NECAB1: variants seen among roughly 807,000 people sequenced by gnomAD.
NECAB1 encodes N-terminal EF-hand calcium binding protein 1.
In NECAB1, 29 loss-of-function variants were observed where a neutral mutation model predicts 57.5. The ratio of observed to expected loss-of-function variants is 0.50; its 90% CI spans 0.38 to 0.69. NECAB1 has a LOEUF of 0.69. Among genes scored for constraint, NECAB1 ranks in the 30% least tolerant of loss-of-function variants. The probability of loss-of-function intolerance (pLI) is 0.00; values close to 1 mark genes in which losing one functional copy is unlikely to be tolerated. For synonymous variants in NECAB1, 142 were observed against 147.7 expected, an observed-to-expected ratio of 0.96 and a Z score of 0.28; for missense variants, 372 against 413.8, an observed-to-expected ratio of 0.90 and a Z score of 0.88.
intron 2 of NECAB1, among the ~76,000 whole-genome samples, chr8:90,823,255 T>C (rs1812174153): frequency 6.6e-6 from 1 of 151,852 alleles, no homozygotes; most frequent in Non-Finnish European, 1.5e-5. Context: ...TCTAAGGCTG[T>C]GTCTGCCCAG....
At chr8:90,893,506 C>T (rs561944697) in intron 5 of NECAB1, among the ~76,000 whole-genome samples, 1 of 152,226 alleles carries the variant, frequency 6.6e-6, no homozygotes, top group East Asian at 1.9e-4. Flanking sequence ...GACCACAATC[C>T]AATTCTGGAC....
intron 9 of NECAB1, among the ~76,000 whole-genome samples, chr8:90,935,119 A>G (rs747885051): frequency 6.6e-6 from 1 of 152,194 alleles, no homozygotes; most frequent in Non-Finnish European, 1.5e-5. Context: ...GATGTATTAT[A>G]TACTTTATAG....
intron 3 of NECAB1, among the ~76,000 whole-genome samples, chr8:90,852,779 A>C (rs926641059): frequency 1.3e-5 from 2 of 152,072 alleles, no homozygotes; most frequent in African/African-American, 2.4e-5. Context: ...TCTCCTTTTC[A>C]ACTCCCCTTC....
intron 10 of NECAB1, among the ~76,000 whole-genome samples, chr8:90,941,954 G>A (rs775836335): frequency 1.1e-4 from 17 of 152,136 alleles, no homozygotes; most frequent in Non-Finnish European, 1.8e-4. Flanking sequence ...GTTGCTTTGG[G>A]AAGGTTTTTA....
intron 7 of NECAB1, 143 bp from the exon 8 acceptor site, chr8:90,928,080 A>C: frequency 4.8e-6 from 3 of 624,706 alleles, no homozygotes; most frequent in Non-Finnish European, 5.5e-6. Flanking sequence ...CTTAGAAAGC[A>C]CTCGTGAATA....
At chr8:90,951,550 C>T (rs1810924856) in intron 12 of NECAB1, among the ~76,000 whole-genome samples, 1 of 151,954 alleles carries the variant, frequency 6.6e-6, no homozygotes, top group African/African-American at 2.4e-5. Flanking sequence ...TGTTCATCTA[C>T]CCATCCAATT....
intron 5 of NECAB1, among the ~76,000 whole-genome samples, chr8:90,894,294 C>T (rs973901184): frequency 5.3e-5 from 8 of 152,112 alleles, no homozygotes; most frequent in South Asian, 2.1e-4. Flanking sequence ...ACTATTTTCA[C>T]TTCCTTGTTA....
chr8:90,949,891 T>G lies in NECAB1; in HGVS notation c.938+7T>G. On this transcript the variant is annotated splice_region_variant and intron_variant, in intron 11 of 12. Coordinates refer to ENST00000417640, the MANE Select transcript of NECAB1 (RefSeq NM_022351.5). ...ATAGTAGTGTATGGAATAGGTAAGTTGTGAGCAAGCCTGATTTTATGTGAA... is the reference window on the plus strand; with the variant it reads ...ATAGTAGTGTATGGAATAGGTAAGTGGTGAGCAAGCCTGATTTTATGTGAA... 6.4e-7 allele frequency: 1 copy of G among 1,570,498 alleles called. No individual in the cohort carries two copies. The highest frequency in any genetic ancestry group is 8.7e-7 in the Non-Finnish European group (1 of 1,148,848).
chr8:90,948,479 A>G (rs1045906406), intron 10 of NECAB1, among the ~76,000 whole-genome samples: 4 of 152,238 alleles, frequency 2.6e-5, no homozygotes, highest in African/African-American at 7.2e-5. Flanking sequence ...GGTCACACTT[A>G]GGTAAATCCT....
chr8:90,845,699 T>C (rs1165483685), intron 3 of NECAB1, among the ~76,000 whole-genome samples: 2 of 152,124 alleles, frequency 1.3e-5, no homozygotes, highest in East Asian at 3.9e-4. Flanking sequence ...CAGAAAAAAA[T>C]CAAAGTGTAA....
chr8:90,807,961 T>C (rs1811882677), intron 2 of NECAB1, among the ~76,000 whole-genome samples: 1 of 152,216 alleles, frequency 6.6e-6, no homozygotes, highest in African/African-American at 2.4e-5. Flanking sequence ...AAGTTCTGAA[T>C]GTAATGATTT....
rs181989148 is a variant in NECAB1, at chr8:90,835,637, A to G, written c.233+10812A>G. ...GCTTTCTCCAAATTTCTGTAATTAT[A>G]GTTTGCACCTTCAAGAGGTACCATT... is the stretch of plus-strand genomic sequence containing the variant. On this transcript the variant is annotated intron_variant, in intron 3 of 12. Transcript: ENST00000417640. 2.0e-3 allele frequency among the ~76,000 whole-genome samples: 303 copies of G among 152,226 alleles called. 1 individual carries two copies. Among genetic ancestry groups the G allele is most frequent in the African/African-American group, 7.0e-3 (292 of 41,534 alleles).
chr8:90,938,492 C>T (rs1273978164), intron 9 of NECAB1, among the ~76,000 whole-genome samples: 2 of 152,154 alleles, frequency 1.3e-5, no homozygotes, highest in East Asian at 1.9e-4. Flanking sequence ...TCCCAAACCC[C>T]ACATCCTACA....
At chr8:90,915,764 T>C (rs1427209345) in intron 5 of NECAB1, among the ~76,000 whole-genome samples, 1 of 152,180 alleles carries the variant, frequency 6.6e-6, no homozygotes, top group East Asian at 1.9e-4. Context: ...AAGCCAACAG[T>C]CCAGCCTTCA....
At chr8:90,923,855 TA>T (rs1455925654) in intron 6 of NECAB1, among the ~76,000 whole-genome samples, 1 of 152,084 alleles carries the variant, frequency 6.6e-6, no homozygotes, top group East Asian at 1.9e-4. Context: ...AGGTGAAATA[TA>T]AGAGATAAGG....
intron 6 of NECAB1, among the ~76,000 whole-genome samples, chr8:90,917,924 ACATAT>A (rs1419664107): frequency 9.7e-6 from 1 of 103,424 alleles, no homozygotes; most frequent in African/African-American, 5.4e-5. Flanking sequence ...ACACACACAC[ACATAT>A]ATGTGTATGT....
chr8:90,866,934 T>C (rs557557160), intron 3 of NECAB1, among the ~76,000 whole-genome samples: 3 of 152,320 alleles, frequency 2.0e-5, no homozygotes, highest in South Asian at 4.1e-4. Context: ...ATCATTCTAC[T>C]ATAAAGATAC....
intron 6 of NECAB1, among the ~76,000 whole-genome samples, chr8:90,922,938 C>T (rs2130151898): frequency 6.6e-6 from 1 of 152,174 alleles, no homozygotes; most frequent in South Asian, 2.1e-4. Context: ...AGGCATTAAC[C>T]TGCAAAAATA....
At chr8:90,886,937 A>G (rs926169648) in intron 5 of NECAB1, among the ~76,000 whole-genome samples, 5 of 151,998 alleles carry the variant, frequency 3.3e-5, no homozygotes, top group African/African-American at 1.2e-4. Flanking sequence ...GGTTCAAAAC[A>G]TTTCTTGTTA....
Sources: allele counts gnomAD v4.1 joint callset (sites outside exome capture counted in the v4.1 genomes callset), GRCh38; gene constraint gnomAD v4.1.1; transcripts MANE v1.5; gene names NCBI Gene and HGNC (gene_info 2026-07-23, HGNC 2026-07-21).